The following ITGA1 variants were observed in gnomAD, a reference collection of about 807,000 sequenced individuals.
ITGA1 encodes integrin subunit alpha 1.
Under a neutral mutation model 145.9 loss-of-function variants are expected in ITGA1, and 85 were observed. The ratio of observed to expected loss-of-function variants is 0.58; its 90% CI spans 0.49 to 0.70. ITGA1 has a LOEUF of 0.70. ITGA1 is among the 30% of genes least tolerant of loss of function. ITGA1 has a pLI of 0.00. For synonymous variants in ITGA1, 520 were observed against 495.3 expected (o/e 1.05, Z -0.66); for missense variants, 1,351 against 1,418.7 (o/e 0.95, Z 0.77).
At chr5:52,807,560 C>T (rs1033282141) in intron 1 of ITGA1, among the ~76,000 whole-genome samples, 14 of 151,716 alleles carry the variant, frequency 9.2e-5, no homozygotes, top group Non-Finnish European at 2.9e-5. Flanking sequence ...AAACATGTAT[C>T]TAAAAATAAA....
chr5:52,925,212 A>T (rs1195810848), intron 18 of ITGA1, 66 bp from the exon 19 acceptor site: 2 of 1,237,470 alleles, frequency 1.6e-6, no homozygotes, highest in East Asian at 2.3e-5. Flanking sequence ...TGTTACACAA[A>T]TTGATGGGTA....
intron 1 of ITGA1, among the ~76,000 whole-genome samples, chr5:52,796,264 G>T (rs1041013818): frequency 1.2e-4 from 18 of 151,798 alleles, no homozygotes; most frequent in Non-Finnish European, 2.7e-4. Context: ...TTGAGACACT[G>T]GAAGTGTCTC....
chr5:52,852,195 T>C (rs1344968004), intron 2 of ITGA1, among the ~76,000 whole-genome samples: 1 of 151,978 alleles, frequency 6.6e-6, no homozygotes, highest in African/African-American at 2.4e-5. Flanking sequence ...CATATTGGGA[T>C]GAAAAAAGAG....
At chr5:52,891,485 G>T (rs942859534) in intron 8 of ITGA1, among the ~76,000 whole-genome samples, 27 of 142,042 alleles carry the variant, frequency 1.9e-4, no homozygotes, top group African/African-American at 6.1e-4. Flanking sequence ...ACCACAATTT[G>T]TACTCTACTG....
intron 28 of ITGA1, among the ~76,000 whole-genome samples, chr5:52,950,301 C>T (rs36000043): frequency 0.55 from 83,226 of 151,912 alleles, 23,132 homozygotes; most frequent in Middle Eastern, 0.61. Context: ...TTTATTAATC[C>T]TAAAGCTTTA....
intron 1 of ITGA1, among the ~76,000 whole-genome samples, chr5:52,843,321 C>G (rs1283748255): frequency 6.6e-6 from 1 of 152,054 alleles, no homozygotes; most frequent in Admixed American, 6.6e-5. Context: ...ATGTAAGAAG[C>G]TACTGAAATA....
Position 52,953,861 on chromosome 5 carries a change from A to G in ITGA1, c.*1410A>G, listed in dbSNP as rs1277522430. ...ATCTGATTTACCAGAACCTGTAACA[A>G]GACCAGAACATGTATTCATCCAGAA... On this transcript the variant is annotated 3_prime_UTR_variant, in exon 29 of 29. Coordinates refer to ENST00000282588, the MANE Select transcript of ITGA1 (RefSeq NM_181501.2). 1.3e-5 allele frequency: 2 copies of G among 152,226 alleles called. No homozygotes were observed. Among genetic ancestry groups the G allele is most frequent in the African/African-American group, 2.4e-5 (1 of 41,460 alleles). 9.4% of individuals were successfully genotyped at this position (152,226 alleles called of 1,614,324 possible). A position where few individuals can be genotyped will look rare whatever the true frequency, so the allele number is the denominator to read the frequency against.
chr5:52,843,083 T>C (rs1749281841), intron 1 of ITGA1, among the ~76,000 whole-genome samples: 1 of 152,170 alleles, frequency 6.6e-6, no homozygotes, highest in Non-Finnish European at 1.5e-5. Flanking sequence ...TAGTGGAATA[T>C]ATGAATGATT....
chr5:52,820,084 C>T (rs1191056461), intron 1 of ITGA1, among the ~76,000 whole-genome samples: 2 of 151,914 alleles, frequency 1.3e-5, no homozygotes, highest in African/African-American at 2.4e-5. Flanking sequence ...TAGCATGATG[C>T]CTCCAGCTTT....
At chr5:52,851,491 T>C (rs191782362) in intron 2 of ITGA1, among the ~76,000 whole-genome samples, 96 of 152,286 alleles carry the variant, frequency 6.3e-4, no homozygotes, top group Non-Finnish European at 9.1e-4. Flanking sequence ...GAAGCCTTGA[T>C]GTCATGAGGA....
At chr5:52,893,606 A>G (rs1156780840) in intron 8 of ITGA1, 69 bp from the exon 9 acceptor site, 4 of 1,409,176 alleles carry the variant, frequency 2.8e-6, no homozygotes, top group Non-Finnish European at 3.9e-6. Context: ...TTACTGACAA[A>G]ATGCTTGAGA....
chr5:52,794,988 C>T (rs564352394), intron 1 of ITGA1, among the ~76,000 whole-genome samples: 7 of 152,030 alleles, frequency 4.6e-5, no homozygotes, highest in Admixed American at 1.3e-4. Context: ...TACCTAAGCA[C>T]GGCTATCTCA....
intron 1 of ITGA1, among the ~76,000 whole-genome samples, chr5:52,830,258 T>C (rs1245499331): frequency 1.3e-5 from 2 of 152,168 alleles, no homozygotes; most frequent in African/African-American, 2.4e-5. Flanking sequence ...CATATCTTTT[T>C]TCTTTTTTTC....
At chr5:52,880,070 C>G (rs1162823985) in intron 6 of ITGA1, among the ~76,000 whole-genome samples, 1 of 152,162 alleles carries the variant, frequency 6.6e-6, no homozygotes, top group Non-Finnish European at 1.5e-5. Context: ...CATGAAGTGG[C>G]AGTGGCACTC....
chr5:52,945,032 A>G lies in ITGA1; in HGVS notation c.3375A>G (p.Arg1125=). Residue 1125 remains arginine, a synonymous_variant, in exon 27 of 29, where the codon AGA becomes AGG. Transcript: ENST00000282588. The part of the protein sequence containing the change: ...SLVLSSSNQK[R]ELAIQISKDG... Reference sequence around the variant, plus strand: ...TTTTAAGTAGCAGCAATCAAAAAAGAGAGGTAAGTGCAACATGAGTTTTGA... The same window carrying G: ...TTTTAAGTAGCAGCAATCAAAAAAGGGAGGTAAGTGCAACATGAGTTTTGA... The G allele has an allele frequency of 6.2e-7, 1 of 1,608,334 alleles. No individual in the cohort carries two copies. The highest frequency in any genetic ancestry group is 8.5e-7 in the Non-Finnish European group (1 of 1,175,330).
intron 21 of ITGA1, 108 bp from the exon 22 acceptor site, chr5:52,931,939 C>A: frequency 1.5e-6 from 1 of 648,460 alleles, no homozygotes; most frequent in African/African-American, 1.8e-5. Flanking sequence ...TATACTCTTA[C>A]ATGCTTTTAT....
chr5:52,886,719 C>A (rs557110537), intron 7 of ITGA1, among the ~76,000 whole-genome samples: 127 of 152,226 alleles, frequency 8.3e-4, no homozygotes, highest in African/African-American at 2.7e-3. Context: ...TTTCCATTTC[C>A]CTGTCTTCTG....
At chr5:52,853,086 A>G (rs963660879) in intron 2 of ITGA1, among the ~76,000 whole-genome samples, 4 of 152,202 alleles carry the variant, frequency 2.6e-5, no homozygotes, top group Admixed American at 6.5e-5. Flanking sequence ...TTGAATGTAG[A>G]TGATATCAGA....
chr5:52,886,835 G>GT (rs1750059097), intron 7 of ITGA1, among the ~76,000 whole-genome samples: 1 of 152,162 alleles, frequency 6.6e-6, no homozygotes, highest in African/African-American at 2.4e-5. Flanking sequence ...CTGGAATGCA[G>GT]TGGCGCGATC....
Sources: gnomAD v4.1 joint callset for allele counts (sites outside exome capture counted in the v4.1 genomes callset) on GRCh38, gnomAD v4.1.1 for gene constraint, MANE v1.5 for transcripts, NCBI Gene and HGNC (gene_info 2026-07-23, HGNC 2026-07-21) for gene names.